Variants in RASAL2 observed in about 807,000 individuals in gnomAD.
RASAL2 encodes RAS protein activator like 2.
RASAL2 carries 58 observed loss-of-function variants against 128.9 expected under a neutral mutation model. The ratio of observed to expected loss-of-function variants is 0.45; its 90% CI spans 0.36 to 0.56. The LOEUF (loss-of-function observed/expected upper bound fraction) is 0.56, where lower values mean the gene tolerates loss of function less well. Ranked by LOEUF, RASAL2 falls within the 20% of genes least tolerant of loss-of-function variation. The pLI, the probability that RASAL2 is intolerant of heterozygous loss-of-function variation, is 0.00. For missense variants in RASAL2, 1,360 were observed against 1,601.6 expected, an observed-to-expected ratio of 0.85 and a Z score of 2.57; for synonymous variants, 561 against 580.8, an observed-to-expected ratio of 0.97 and a Z score of 0.49.
intron 1 of RASAL2, among the ~76,000 whole-genome samples, chr1:178,167,882 C>T (rs1251007396): frequency 3.3e-5 from 5 of 152,022 alleles, no homozygotes; most frequent in Non-Finnish European, 7.4e-5. Context: ...CAAGGATTGA[C>T]TGTTGTTGTG....
chr1:178,163,497 G>T lies in RASAL2; in HGVS notation c.202+68803G>T, dbSNP rs1661406070. ...AGTTTTTGTATATGGTGTGACTAGG[G>T]TCTAACTTTATACTTCTGCATGTGG... is the stretch of plus-strand genomic sequence containing the variant. On this transcript the variant is annotated intron_variant, in intron 1 of 17. Coordinates refer to ENST00000367649, the MANE Select transcript of RASAL2 (RefSeq NM_170692.4). Among the ~76,000 whole-genome samples the T allele has an allele frequency of 2.0e-5, 3 of 152,164 alleles. No homozygotes were observed. In the South Asian group the frequency reaches 6.2e-4, roughly 32 times the overall value.
intron 2 of RASAL2, among the ~76,000 whole-genome samples, chr1:178,287,835 G>A (rs1667101461): frequency 6.6e-6 from 1 of 152,038 alleles, no homozygotes; most frequent in African/African-American, 2.4e-5. Context: ...CAGGGGAAAG[G>A]GTGGGAGAGA....
intron 3 of RASAL2, among the ~76,000 whole-genome samples, chr1:178,374,560 T>G (rs1671891294): frequency 6.6e-6 from 1 of 152,128 alleles, no homozygotes; most frequent in East Asian, 1.9e-4. Context: ...ACTGCTAGTT[T>G]GATGAAACTT....
At chr1:178,425,304 G>A (rs1428654204) in intron 5 of RASAL2, among the ~76,000 whole-genome samples, 1 of 152,102 alleles carries the variant, frequency 6.6e-6, no homozygotes, top group African/African-American at 2.4e-5. Context: ...AAATAAGTTT[G>A]GAAAGGTAAA....
rs1257030485 is a variant in RASAL2 at position 178,476,416 on chromosome 1, TTATAAC to T, written c.*3180_*3185del. 1.3e-5 allele frequency: 2 copies of T among 152,134 alleles called. No homozygotes were observed. Among genetic ancestry groups the T allele is most frequent in the Admixed American group, 1.3e-4 (2 of 15,282 alleles). The allele number at this position is 152,134 out of a possible 1,614,324, so 9.4% of individuals were successfully genotyped here. A position where few individuals can be genotyped will look rare whatever the true frequency, so the allele number is the denominator to read the frequency against. Reference sequence around the variant, plus strand: ...AGCAAAAGCCATGTCAGAGGGGAGATTATAACTAGGTAACTATAACAAGCACTTGAG... The same window carrying T: ...AGCAAAAGCCATGTCAGAGGGGAGATTAGGTAACTATAACAAGCACTTGAG... On this transcript the variant is annotated 3_prime_UTR_variant, in exon 18 of 18. Coordinates refer to ENST00000367649, the MANE Select transcript of RASAL2 (RefSeq NM_170692.4).
At chr1:178,389,307 G>C in intron 3 of RASAL2, 2 of 966,404 alleles carry the variant, frequency 2.1e-6, no homozygotes, top group Non-Finnish European at 2.5e-6. Flanking sequence ...TTGTGATAAA[G>C]GTATAATACG....
intron 1 of RASAL2, among the ~76,000 whole-genome samples, chr1:178,159,150 T>C (rs1661186598): frequency 6.6e-6 from 1 of 152,242 alleles, no homozygotes; most frequent in Admixed American, 6.5e-5. Context: ...TGTGTAAGCT[T>C]GTACTGTTTG....
chr1:178,154,053 C>T (rs1273431933), intron 1 of RASAL2, among the ~76,000 whole-genome samples: 1 of 151,944 alleles, frequency 6.6e-6, no homozygotes, highest in Non-Finnish European at 1.5e-5. Flanking sequence ...TCAGGCTGGT[C>T]TTGAACTCCT....
rs578070435 is a variant in RASAL2, at chr1:178,151,180, T to C, written c.202+56486T>C. On this transcript the variant is annotated intron_variant, in intron 1 of 17. Transcript: ENST00000367649. ...CAGCACTTTGGGAGGCCGAGGCGGG[T>C]GGATCACTTGAGGTCAGGAGTTTGA... Among the ~76,000 whole-genome samples the C allele has an allele frequency of 2.5e-3, 380 of 152,068 alleles. 5 individuals carry two copies. The highest frequency in any genetic ancestry group is 7.9e-3 in the South Asian group (38 of 4,814).
intron 1 of RASAL2, among the ~76,000 whole-genome samples, chr1:178,176,661 A>G (rs918134379): frequency 1.3e-5 from 2 of 151,064 alleles, no homozygotes; most frequent in Non-Finnish European, 2.9e-5. Flanking sequence ...AGACAGACAG[A>G]CAGAGAGACT....
At chr1:178,341,362 T>A (rs1669868175) in intron 3 of RASAL2, 1 of 1,233,480 alleles carries the variant, frequency 8.1e-7, no homozygotes, top group African/African-American at 1.6e-5. Context: ...GGGTGGCTAT[T>A]GTTTAGTGCT....
intron 1 of RASAL2, among the ~76,000 whole-genome samples, chr1:178,209,683 C>CT (rs1237802024): frequency 6.6e-6 from 1 of 151,844 alleles, no homozygotes; most frequent in Non-Finnish European, 1.5e-5. Flanking sequence ...CCTTTTCTCT[C>CT]TTTTTCTCTC....
intron 1 of RASAL2, among the ~76,000 whole-genome samples, chr1:178,137,357 A>G (rs1051138563): frequency 2.0e-5 from 3 of 152,162 alleles, no homozygotes; most frequent in Non-Finnish European, 4.4e-5. Context: ...AATTGAAGTT[A>G]TATTTTCCTC....
intron 1 of RASAL2, among the ~76,000 whole-genome samples, chr1:178,111,101 T>G (rs946729289): frequency 6.6e-6 from 1 of 152,220 alleles, no homozygotes; most frequent in African/African-American, 2.4e-5. Flanking sequence ...TGTTGTTGCA[T>G]GTATCAATAG....
intron 1 of RASAL2, among the ~76,000 whole-genome samples, chr1:178,115,050 T>C (rs316262): frequency 0.25 from 37,985 of 152,160 alleles, 5,921 homozygotes; most frequent in Middle Eastern, 0.36. Flanking sequence ...GAAGAGTTTG[T>C]GTAGAATTAG....
intron 3 of RASAL2, among the ~76,000 whole-genome samples, chr1:178,331,583 CTTTTTTTTTTTT>C (rs71731643): frequency 1.8e-5 from 2 of 110,216 alleles, no homozygotes; most frequent in Non-Finnish European, 3.5e-5. Flanking sequence ...CTTCATGCAT[CTTTTTTTTTTTT>C]TTTTTTTTTG....
chr1:178,444,185 G>C (rs981852665), intron 8 of RASAL2, among the ~76,000 whole-genome samples: 3 of 152,080 alleles, frequency 2.0e-5, no homozygotes, highest in African/African-American at 7.2e-5. Flanking sequence ...GTTGCTCAAG[G>C]TTCAGAATAT....
rs752856313 is a variant in RASAL2, at chr1:178,094,637, T to C, written c.145T>C (p.Leu49=). ...CAGTGGAGCCGTCGCCGGTGGCATGTTGGATCGGATCCTTCTGGAGTCCGT... is the reference window on the plus strand; with the variant it reads ...CAGTGGAGCCGTCGCCGGTGGCATGCTGGATCGGATCCTTCTGGAGTCCGT... ...PVSGAVAGGM[L]DRILLESVCQ... is the part of the protein sequence containing the mutation. Residue 49 remains leucine (L), a synonymous_variant, in exon 1 of 18, where the codon TTG becomes CTG. Coordinates refer to ENST00000367649, the MANE Select transcript of RASAL2 (RefSeq NM_170692.4). 1.2e-6 allele frequency: 2 copies of C among 1,614,006 alleles called. No homozygotes were observed. The highest frequency in any genetic ancestry group is 2.2e-5 in the South Asian group (2 of 91,054).
rs117396753 is a variant in RASAL2, at chr1:178,114,965, T to C, written c.202+20271T>C. 1.1e-4 allele frequency among the ~76,000 whole-genome samples: 16 copies of C among 152,372 alleles called. No homozygotes were observed. The East Asian group carries it at 3.1e-3, about 29-fold the overall frequency. On this transcript the variant is annotated intron_variant, in intron 1 of 17. Coordinates refer to ENST00000367649, the MANE Select transcript of RASAL2 (RefSeq NM_170692.4). ...TATATTCATGAGGAATATTGGTTTT[T>C]AGTTTTCTTATGTCTTTGGTTTCAG...
Sources: allele counts gnomAD v4.1 joint callset (sites outside exome capture counted in the v4.1 genomes callset), GRCh38; gene constraint gnomAD v4.1.1; transcripts MANE v1.5; gene names NCBI Gene and HGNC (gene_info 2026-07-23, HGNC 2026-07-21).